LMO7: variants seen among roughly 807,000 people sequenced by gnomAD.
The protein encoded by LMO7 is LIM domain 7.
A neutral mutation model predicts 206.5 loss-of-function variants in LMO7; 120 were observed. That is an observed-to-expected ratio of 0.58 (90% CI 0.50 to 0.68). The LOEUF is 0.68. Ranked by LOEUF, LMO7 falls within the 30% of genes least tolerant of loss-of-function variation. LMO7 has a pLI of 0.00. For missense variants in LMO7, 1,959 were observed against 1,957.9 expected (o/e 1.00, Z -0.01); for synonymous variants, 706 against 681.5 (o/e 1.04, Z -0.56).
chr13:75,675,461 T>C (rs2139429162), intron 1 of LMO7, among the ~76,000 whole-genome samples: 1 of 152,376 alleles, frequency 6.6e-6, no homozygotes, highest in Non-Finnish European at 1.5e-5. Flanking sequence ...GATTATAAAA[T>C]ATTTTTATGA....
intron 16 of LMO7, 112 bp from the exon 17 acceptor site, chr13:75,834,113 AG>A (rs1210977068): frequency 4.1e-5 from 30 of 735,432 alleles, no homozygotes; most frequent in Non-Finnish European, 6.2e-5. Flanking sequence ...CACCTGAAAA[AG>A]AGAGAAATGG....
chr13:75,852,647 T>G (rs552547606), intron 27 of LMO7, among the ~76,000 whole-genome samples: 1 of 152,352 alleles, frequency 6.6e-6, no homozygotes, highest in Admixed American at 6.5e-5. Flanking sequence ...TTTACAGTGA[T>G]GTGAAAGTGA....
chr13:75,622,060 T>TC (rs926934674), intron 1 of LMO7, among the ~76,000 whole-genome samples: 1 of 152,184 alleles, frequency 6.6e-6, no homozygotes, highest in African/African-American at 2.4e-5. Context: ...TCTTGTTTTT[T>TC]CTCTTTTTTC....
chr13:75,857,925 A>G lies in LMO7; in HGVS notation c.4878A>G (p.Gly1626=), dbSNP rs1397480714. The part of the protein sequence containing the change: ...CNDCYLRFKS[G]RPTAM ...CTTTTCTCCTTGCCCGATCAGCTGGACGGCCAACCGCCATGTGATGTAAGC... is the reference window on the plus strand; with the variant it reads ...CTTTTCTCCTTGCCCGATCAGCTGGGCGGCCAACCGCCATGTGATGTAAGC... Residue 1626 remains glycine, a synonymous_variant, in exon 31 of 31, where the codon GGA becomes GGG. Transcript: ENST00000377534. 2 of 1,597,472 alleles carry G rather than the reference A, an allele frequency of 1.3e-6. No homozygotes were observed. Among genetic ancestry groups the G allele is most frequent in the African/African-American group, 1.4e-5 (1 of 73,684 alleles).
At chr13:75,772,913 C>T (rs532040421) in intron 4 of LMO7, among the ~76,000 whole-genome samples, 1 of 151,924 alleles carries the variant, frequency 6.6e-6, no homozygotes, top group South Asian at 2.1e-4. Context: ...TGGGGCAGGG[C>T]TGGGATTCTG....
At chr13:75,632,096 C>G (rs574398215), upstream of LMO7, 1 of 152,260 alleles carries the variant, frequency 6.6e-6, no homozygotes, top group African/African-American at 2.4e-5. Context: ...TGAAAGGTAT[C>G]TCAAATTCCT....
intron 5 of LMO7, among the ~76,000 whole-genome samples, chr13:75,796,019 G>A (rs1289152678): frequency 6.6e-6 from 1 of 152,192 alleles, no homozygotes; most frequent in East Asian, 1.9e-4. Context: ...TAAGAGGATA[G>A]GTTAGATTTA....
Position 75,751,149 on chromosome 13 carries a change from CTTTTTTTTTTTTTT to C in LMO7, c.211-9767_211-9754del, listed in dbSNP as rs57976279. On this transcript the variant is annotated intron_variant, in intron 3 of 30. Transcript: ENST00000377534. ...CATGTACTCAGCTCTTTTTTCAGCT[CTTTTTTTTTTTTTT>C]TTTTTTTTTTTTTTTGAGACAGAGC... Among the ~76,000 whole-genome samples the C allele has an allele frequency of 5.1e-4, 31 of 60,432 alleles. 1 individual carries two copies. In the East Asian group the frequency reaches 0.011, roughly 22 times the overall value. 39.6% of individuals were successfully genotyped at this position (60,432 alleles called of 152,430 possible). A position where few individuals can be genotyped will look rare whatever the true frequency, so the allele number is the denominator to read the frequency against.
chr13:75,659,429 G>A (rs1365839995), intron 1 of LMO7, among the ~76,000 whole-genome samples: 3 of 152,220 alleles, frequency 2.0e-5, no homozygotes, highest in Non-Finnish European at 4.4e-5. Context: ...AGAAAAAGAG[G>A]TTTAATTGGA....
At chr13:75,816,299 A>G (rs1480472951) in intron 11 of LMO7, among the ~76,000 whole-genome samples, 2 of 152,218 alleles carry the variant, frequency 1.3e-5, no homozygotes, top group Non-Finnish European at 2.9e-5. Flanking sequence ...GTCAGTAGGA[A>G]AGAGCTTCAA....
chr13:75,802,509 A>AGAG (rs1168559755), intron 7 of LMO7, among the ~76,000 whole-genome samples: 1 of 152,226 alleles, frequency 6.6e-6, no homozygotes, highest in Non-Finnish European at 1.5e-5. Flanking sequence ...GGGAAGGGAT[A>AGAG]GAGGGCATGT....
chr13:75,812,413 C>T (rs979932786), intron 11 of LMO7, among the ~76,000 whole-genome samples: 7 of 152,166 alleles, frequency 4.6e-5, no homozygotes, highest in Non-Finnish European at 7.3e-5. Context: ...CAGTATGTTC[C>T]TATCTCCCTC....
intron 4 of LMO7, among the ~76,000 whole-genome samples, chr13:75,779,677 A>G (rs1422310947): frequency 6.6e-6 from 1 of 152,230 alleles, no homozygotes; most frequent in African/African-American, 2.4e-5. Flanking sequence ...GTGTATATAT[A>G]TCAAATCAAG....
intron 1 of LMO7, among the ~76,000 whole-genome samples, chr13:75,639,028 T>C (rs977006004): frequency 2.2e-4 from 33 of 152,184 alleles, no homozygotes; most frequent in African/African-American, 7.5e-4. Context: ...ATATGTTCTA[T>C]CTGTATTACA....
At chr13:75,647,021 G>T (rs2037087132) in intron 1 of LMO7, among the ~76,000 whole-genome samples, 1 of 152,058 alleles carries the variant, frequency 6.6e-6, no homozygotes, top group South Asian at 2.1e-4. Flanking sequence ...TCCATACTCA[G>T]ATTTCATTGC....
intron 1 of LMO7, among the ~76,000 whole-genome samples, chr13:75,655,179 ATCT>A (rs1355532276): frequency 4.6e-5 from 7 of 152,116 alleles, no homozygotes; most frequent in African/African-American, 1.4e-4. Context: ...CCAATAATAC[ATCT>A]TCTGCATCCT....
rs1310076011 is a variant in LMO7, at chr13:75,636,498, G to T, written c.-160G>T. ...TCGAGACCTTAACGAACTGCAGAGC[G>T]CAACAAAGGGAACTAGAGCCCCGGC... On this transcript the variant is annotated 5_prime_UTR_variant, in exon 1 of 31. Transcript: ENST00000377534. 6 of 1,476,958 alleles carry T rather than the reference G, an allele frequency of 4.1e-6. No homozygotes were observed. Among genetic ancestry groups the T allele is most frequent in the Non-Finnish European group, 5.3e-6 (6 of 1,124,430 alleles). 91.5% of individuals were successfully genotyped at this position (1,476,958 alleles called of 1,614,324 possible).
intron 1 of LMO7, among the ~76,000 whole-genome samples, chr13:75,692,395 C>CTTTT (rs35029342): frequency 6.9e-6 from 1 of 144,764 alleles, no homozygotes; most frequent in African/African-American, 2.5e-5. Context: ...GTTTCTTTTC[C>CTTTT]TTTTTTTTTT....
At chr13:75,649,923 C>A (rs569804936) in intron 1 of LMO7, among the ~76,000 whole-genome samples, 55 of 152,256 alleles carry the variant, frequency 3.6e-4, no homozygotes, top group African/African-American at 1.3e-3. Flanking sequence ...ATTATTTCTC[C>A]TTTCAAAATA....
Sources: gnomAD v4.1 joint callset for allele counts (sites outside exome capture counted in the v4.1 genomes callset) on GRCh38, gnomAD v4.1.1 for gene constraint, MANE v1.5 for transcripts, NCBI Gene and HGNC (gene_info 2026-07-23, HGNC 2026-07-21) for gene names.